The following ZNF804A variants were observed in gnomAD, a reference collection of about 807,000 sequenced individuals.
ZNF804A encodes the protein zinc finger protein 804A.
Under a neutral mutation model 16.5 loss-of-function variants are expected in ZNF804A, and 2 were observed. The observed-to-expected ratio is 0.12, with a 90% confidence interval of 0.05 to 0.38. The LOEUF is 0.38. ZNF804A is among the 10% of genes least tolerant of loss of function. ZNF804A has a pLI of 0.99. For synonymous variants in ZNF804A, 534 were observed against 489.6 expected (o/e 1.09, Z -1.20); for missense variants, 1,473 against 1,390.7 (o/e 1.06, Z -0.94).
intron 3 of ZNF804A, 96 bp downstream of exon 3, chr2:184,933,829 T>A (rs1447199228): frequency 1.6e-6 from 2 of 1,276,098 alleles, no homozygotes; most frequent in African/African-American, 3.0e-5. Flanking sequence ...TATTTATTAC[T>A]GTACCCAGAA....
intron 1 of ZNF804A, among the ~76,000 whole-genome samples, chr2:184,765,916 A>G (rs1474540710): frequency 1.3e-5 from 2 of 152,146 alleles, no homozygotes; most frequent in Non-Finnish European, 2.9e-5. Context: ...AGAATTATAT[A>G]TCTGCAATAT....
intron 1 of ZNF804A, among the ~76,000 whole-genome samples, chr2:184,689,002 T>A (rs1001047165): frequency 6.6e-6 from 1 of 152,154 alleles, no homozygotes; most frequent in Non-Finnish European, 1.5e-5. Flanking sequence ...TAATCTATAA[T>A]ATTTAGAGTA....
At chr2:184,688,163 A>G (rs1272150236) in intron 1 of ZNF804A, among the ~76,000 whole-genome samples, 3 of 152,108 alleles carry the variant, frequency 2.0e-5, no homozygotes, top group Non-Finnish European at 4.4e-5. Flanking sequence ...TAAACATATA[A>G]TAAATAAACA....
At chr2:184,853,625 A>AT (rs138466227) in intron 1 of ZNF804A, among the ~76,000 whole-genome samples, 7,640 of 151,620 alleles carry the variant, frequency 0.05, 250 homozygotes, top group Middle Eastern at 0.079. Context: ...GTTTAGTTAA[A>AT]TTTTTTTCTG....
At position 184,935,995 on chromosome 2, in the gene ZNF804A, T is replaced by C. The variant is rs370042078; in HGVS notation, c.599T>C (p.Val200Ala). The C allele has an allele frequency of 6.2e-7, 1 of 1,613,998 alleles. No individual in the cohort carries two copies. Among genetic ancestry groups the C allele is most frequent in the Non-Finnish European group, 8.5e-7 (1 of 1,179,950 alleles). The change falls in exon 4 of 4, where the codon GTT becomes GCT. Residue 200 changes from valine to alanine, a missense_variant. Transcript: ENST00000302277. ...AATTATACAGCAAAAAATAACCAAG[T>C]TGGGGATCAAGCCCAGGGGATTCAC... ...ANNYTAKNNQ[V>A]GDQAQGIHRH... is the part of the protein sequence containing the mutation.
Position 184,758,703 on chromosome 2 carries a change from T to C in ZNF804A, c.112-107666T>C, listed in dbSNP as rs114918260. Reference sequence around the variant, plus strand: ...GATTTTACAGTTATTAATATGCTTCTATATTATGACATAACTAATGATATA... The same window carrying C: ...GATTTTACAGTTATTAATATGCTTCCATATTATGACATAACTAATGATATA... On this transcript the variant is annotated intron_variant, in intron 1 of 3. Transcript: ENST00000302277. 7.4e-3 allele frequency among the ~76,000 whole-genome samples: 1,127 copies of C among 152,126 alleles called. 15 individuals carry two copies. Among genetic ancestry groups the C allele is most frequent in the African/African-American group, 0.026 (1,079 of 41,552 alleles).
At chr2:184,650,605 A>G (rs1691966060) in intron 1 of ZNF804A, among the ~76,000 whole-genome samples, 1 of 152,212 alleles carries the variant, frequency 6.6e-6, no homozygotes, top group Non-Finnish European at 1.5e-5. Context: ...AAATAACTTC[A>G]GTAAAGTTTC....
intron 1 of ZNF804A, among the ~76,000 whole-genome samples, chr2:184,733,215 A>G (rs1240329501): frequency 6.6e-6 from 1 of 151,988 alleles, no homozygotes; most frequent in African/African-American, 2.4e-5. Context: ...TTCCTATTTT[A>G]TGTTTTAGGT....
chr2:184,626,870 G>T (rs1431161744), intron 1 of ZNF804A, among the ~76,000 whole-genome samples: 1 of 152,170 alleles, frequency 6.6e-6, no homozygotes, highest in African/African-American at 2.4e-5. Context: ...GGTATGAGCA[G>T]AGAAGACATT....
intron 1 of ZNF804A, among the ~76,000 whole-genome samples, chr2:184,840,599 G>A (rs1432912460): frequency 6.6e-6 from 1 of 151,964 alleles, no homozygotes; most frequent in Admixed American, 6.6e-5. Flanking sequence ...ATCATGGAAA[G>A]ATTCTTTCTT....
At chr2:184,767,342 C>T (rs976163851) in intron 1 of ZNF804A, among the ~76,000 whole-genome samples, 27 of 151,854 alleles carry the variant, frequency 1.8e-4, no homozygotes, top group African/African-American at 6.0e-4. Flanking sequence ...TGAAATAAGC[C>T]GGAAACAAAA....
intron 1 of ZNF804A, among the ~76,000 whole-genome samples, chr2:184,824,840 A>G (rs904565387): frequency 2.7e-5 from 4 of 149,538 alleles, no homozygotes; most frequent in African/African-American, 9.8e-5. Flanking sequence ...AGCTGGGGAC[A>G]CCAGCTGGAA....
chr2:184,791,071 C>T (rs2105778578), intron 1 of ZNF804A, among the ~76,000 whole-genome samples: 1 of 152,188 alleles, frequency 6.6e-6, no homozygotes, highest in East Asian at 1.9e-4. Flanking sequence ...GTATCTTTAG[C>T]CAGTAGGTGG....
intron 1 of ZNF804A, among the ~76,000 whole-genome samples, chr2:184,710,362 TG>T (rs1218736386): frequency 6.6e-6 from 1 of 151,726 alleles, no homozygotes; most frequent in African/African-American, 2.4e-5. Context: ...TTTCATTCAC[TG>T]TTGAATTGTT....
At chr2:184,767,554 G>A (rs1042249738) in intron 1 of ZNF804A, among the ~76,000 whole-genome samples, 3 of 152,076 alleles carry the variant, frequency 2.0e-5, no homozygotes, top group Admixed American at 6.6e-5. Flanking sequence ...GCTGAACTAC[G>A]TGCTTCAAAA....
intron 1 of ZNF804A, among the ~76,000 whole-genome samples, chr2:184,677,188 C>T (rs1310487671): frequency 1.3e-5 from 2 of 151,796 alleles, no homozygotes; most frequent in African/African-American, 4.8e-5. Context: ...TCACACATAA[C>T]AGAAATCTGA....
intron 1 of ZNF804A, among the ~76,000 whole-genome samples, chr2:184,810,327 A>C (rs548829314): frequency 3.3e-5 from 5 of 152,276 alleles, no homozygotes; most frequent in Admixed American, 6.5e-5. Context: ...GATTATTAAC[A>C]AATCAATTAT....
chr2:184,723,671 CT>C (rs1037503970), intron 1 of ZNF804A, among the ~76,000 whole-genome samples: 2 of 151,556 alleles, frequency 1.3e-5, no homozygotes, highest in African/African-American at 4.8e-5. Flanking sequence ...TAAGTATTGG[CT>C]TATTGCTTTC....
At chr2:184,611,882 A>T (rs1351617197) in intron 1 of ZNF804A, among the ~76,000 whole-genome samples, 1 of 152,152 alleles carries the variant, frequency 6.6e-6, no homozygotes, top group Non-Finnish European at 1.5e-5. Flanking sequence ...TTTGGCCATT[A>T]TCTATTTTAG....
Sources: allele counts gnomAD v4.1 joint callset (sites outside exome capture counted in the v4.1 genomes callset), GRCh38; gene constraint gnomAD v4.1.1; transcripts MANE v1.5; gene names NCBI Gene and HGNC (gene_info 2026-07-23, HGNC 2026-07-21).